Variants in CEP63 observed in about 807,000 individuals in gnomAD.
CEP63 encodes the protein centrosomal protein 63.
In CEP63, 84 loss-of-function variants were observed where a neutral mutation model predicts 89.1. That is an observed-to-expected ratio of 0.94 (90% CI 0.79 to 1.13). CEP63 has a LOEUF of 1.13. CEP63 is among the 50% of genes most tolerant of loss of function. The pLI is 0.00. For missense variants in CEP63, 838 were observed against 813.3 expected (o/e 1.03, Z -0.37); for synonymous variants, 267 against 272.5 (o/e 0.98, Z 0.20).
chr3:134,620,204 G>T, the CEP63 span, among the ~76,000 whole-genome samples: 62 of 152,280 alleles, frequency 4.1e-4, 1 homozygote, highest in East Asian at 0.01. Context: ...GTGGAGAGCT[G>T]TGGGCAGCTG....
chr3:134,652,491 T>C, the CEP63 span, among the ~76,000 whole-genome samples: 5 of 133,652 alleles, frequency 3.7e-5, no homozygotes, highest in Non-Finnish European at 7.8e-5. Flanking sequence ...GGGCATCTGA[T>C]GGAAGGAGAG....
chr3:134,636,490 A>T, the CEP63 span, among the ~76,000 whole-genome samples: 1 of 152,230 alleles, frequency 6.6e-6, no homozygotes, highest in Non-Finnish European at 1.5e-5. Flanking sequence ...CAGCCATAAC[A>T]GCCATGTGAA....
chr3:134,496,430 AAGG>A (rs1305694167), intron 2 of CEP63, among the ~76,000 whole-genome samples: 3 of 22,142 alleles, frequency 1.4e-4, no homozygotes, highest in Non-Finnish European at 3.2e-4. Flanking sequence ...ATAGAAAAAA[AAGG>A]GGGGGGGGGC....
chr3:134,554,360 T>A (rs1213334856), intron 12 of CEP63, among the ~76,000 whole-genome samples: 1 of 149,894 alleles, frequency 6.7e-6, no homozygotes, highest in African/African-American at 2.5e-5. Flanking sequence ...TGTGATAGTT[T>A]ACTGAGAATG....
chr3:134,629,617 A>G, the CEP63 span: 1 of 1,594,546 alleles, frequency 6.3e-7, no homozygotes. Context: ...TGTGTCATAC[A>G]TACGTTTAGC....
At chr3:134,736,659 G>A in the CEP63 span, among the ~76,000 whole-genome samples, 3 of 152,110 alleles carry the variant, frequency 2.0e-5, no homozygotes, top group Non-Finnish European at 4.4e-5. Context: ...ACATTGAAAG[G>A]TTCCTGAATA....
chr3:134,581,776 C>T (rs1958357827), intron 10 of CEP63, among the ~76,000 whole-genome samples: 2 of 138,880 alleles, frequency 1.4e-5, no homozygotes, highest in Non-Finnish European at 3.1e-5. Context: ...CCCGGGTTCA[C>T]GCCATTCTCC....
At chr3:134,589,136 G>A (rs957123838), downstream of CEP63, among the ~76,000 whole-genome samples, 12 of 152,154 alleles carry the variant, frequency 7.9e-5, no homozygotes, top group Non-Finnish European at 1.8e-4. Flanking sequence ...TAAGGAAGAA[G>A]TAAGCCTATA....
At chr3:134,559,836 GC>G (rs1957019858) in intron 14 of CEP63, among the ~76,000 whole-genome samples, 1 of 152,204 alleles carries the variant, frequency 6.6e-6, no homozygotes, top group African/African-American at 2.4e-5. Flanking sequence ...GGAAGGCTGT[GC>G]CTCTGATGTG....
chr3:134,505,756 A>T (rs1427329430), intron 2 of CEP63, among the ~76,000 whole-genome samples: 1 of 152,104 alleles, frequency 6.6e-6, no homozygotes, highest in African/African-American at 2.4e-5. Flanking sequence ...AGTGCCTCAG[A>T]CAATGTGCCT....
the CEP63 span, among the ~76,000 whole-genome samples, chr3:134,640,638 C>G: frequency 6.6e-6 from 1 of 152,168 alleles, no homozygotes; most frequent in South Asian, 2.1e-4. Flanking sequence ...CATGGAGTAA[C>G]GATTCCCTGG....
At chr3:134,573,997 T>A (rs1282251257) in intron 11 of CEP63, among the ~76,000 whole-genome samples, 1 of 152,150 alleles carries the variant, frequency 6.6e-6, no homozygotes, top group African/African-American at 2.4e-5. Flanking sequence ...AGACCAGGTT[T>A]GAACAAGCAC....
the CEP63 span, among the ~76,000 whole-genome samples, chr3:134,751,021 G>A: frequency 1.3e-5 from 2 of 152,136 alleles, no homozygotes; most frequent in Admixed American, 1.3e-4. Context: ...AAAGGAAACC[G>A]TTTCACCCAT....
intron 11 of CEP63, among the ~76,000 whole-genome samples, chr3:134,570,619 A>G (rs898502885): frequency 6.6e-6 from 1 of 152,156 alleles, no homozygotes; most frequent in South Asian, 2.1e-4. Flanking sequence ...GAAGTTCCAA[A>G]CTTTCCCACA....
intron 3 of CEP63, among the ~76,000 whole-genome samples, chr3:134,520,755 C>T (rs558278601): frequency 6.6e-6 from 1 of 152,154 alleles, no homozygotes; most frequent in African/African-American, 2.4e-5. Flanking sequence ...TGATTCATGA[C>T]AAGATGACAC....
chr3:134,719,114 G>A, the CEP63 span, among the ~76,000 whole-genome samples: 3 of 152,208 alleles, frequency 2.0e-5, no homozygotes, highest in East Asian at 3.9e-4. Flanking sequence ...TCTTCAAGGT[G>A]TGGTACAAGG....
rs1455167673 is a variant in CEP63, at chr3:134,545,604, A to C, written c.574A>C (p.Lys192Gln). 3.7e-6 allele frequency: 6 copies of C among 1,613,944 alleles called. No homozygotes were observed. Among genetic ancestry groups the C allele is most frequent in the Non-Finnish European group, 5.1e-6 (6 of 1,179,930 alleles). The change falls in exon 7 of 15, where the codon AAA becomes CAA. Residue 192 changes from lysine to glutamine, a missense_variant. Transcript: ENST00000675561. ...TTTCTAGGCTCAGCTTGTCAATCGG[A>C]AACAGAAATTAGAGTCTGTGGAACT... ...EIIQAQLVNR[K>Q]QKLESVELSS...
the CEP63 span, chr3:134,625,066 A>T: frequency 6.3e-7 from 1 of 1,599,120 alleles, no homozygotes; most frequent in Non-Finnish European, 8.5e-7. Context: ...TGAGGCGTAG[A>T]TATCCAATTT....
At chr3:134,721,101 C>T in the CEP63 span, among the ~76,000 whole-genome samples, 4 of 152,090 alleles carry the variant, frequency 2.6e-5, no homozygotes, top group African/African-American at 4.8e-5. Context: ...AAACTATTAG[C>T]ATGGTATGTC....
Sources: allele counts gnomAD v4.1 joint callset (sites outside exome capture counted in the v4.1 genomes callset), GRCh38; gene constraint gnomAD v4.1.1; transcripts MANE v1.5; gene names NCBI Gene and HGNC (gene_info 2026-07-23, HGNC 2026-07-21).